The following CNOT10 variants were observed in gnomAD, a reference collection of about 807,000 sequenced individuals.
CNOT10 encodes CCR4-NOT transcription complex subunit 10, also known as CCR4-NOT transcription complex, subunit 10.
CNOT10 carries 30 observed loss-of-function variants against 94.6 expected under a neutral mutation model. The ratio of observed to expected loss-of-function variants is 0.32; its 90% CI spans 0.24 to 0.43. CNOT10 has a LOEUF of 0.43. Ranked by LOEUF, CNOT10 falls within the 20% of genes least tolerant of loss-of-function variation. The pLI is 1.00. For synonymous variants in CNOT10, 289 were observed against 301.6 expected, an observed-to-expected ratio of 0.96 and a Z score of 0.43; for missense variants, 759 against 877.2, an observed-to-expected ratio of 0.87 and a Z score of 1.70.
chr3:32,718,715 T>G (rs1479551938), intron 7 of CNOT10, among the ~76,000 whole-genome samples: 2 of 151,538 alleles, frequency 1.3e-5, no homozygotes, highest in Non-Finnish European at 2.9e-5. Flanking sequence ...CCACTAAGAA[T>G]AAGCACTGAA....
At chr3:32,695,574 G>A (rs1033454380) in intron 1 of CNOT10, 2 of 1,529,174 alleles carry the variant, frequency 1.3e-6, no homozygotes, top group Non-Finnish European at 1.7e-6. Context: ...TGAAAACGTG[G>A]TGCATTTCTT....
intron 8 of CNOT10, 132 bp from the exon 9 acceptor site, chr3:32,725,318 C>T (rs575159164): frequency 3.6e-4 from 253 of 695,624 alleles, no homozygotes; most frequent in Non-Finnish European, 6.0e-4. Context: ...TTTCAAATGC[C>T]TTGTGAACTG....
chr3:32,755,241 C>A (rs1700171788), intron 13 of CNOT10, among the ~76,000 whole-genome samples: 1 of 147,672 alleles, frequency 6.8e-6, no homozygotes, highest in South Asian at 2.1e-4. Context: ...AGCGAAACTC[C>A]ATATCAAAAA....
At chr3:32,721,422 C>G (rs151101496) in intron 8 of CNOT10, among the ~76,000 whole-genome samples, 1 of 73,234 alleles carries the variant, frequency 1.4e-5, no homozygotes, top group Non-Finnish European at 2.8e-5. Flanking sequence ...CCTAATTTTT[C>G]TTTCATCTTT....
chr3:32,702,267 G>A (rs758649449), intron 1 of CNOT10, among the ~76,000 whole-genome samples: 1 of 152,144 alleles, frequency 6.6e-6, no homozygotes, highest in East Asian at 1.9e-4. Context: ...AGCCAACAGT[G>A]ACTCTTGAGA....
chr3:32,771,635 G>T (rs536242948), intron 18 of CNOT10, among the ~76,000 whole-genome samples: 21 of 152,074 alleles, frequency 1.4e-4, no homozygotes, highest in South Asian at 6.2e-4. Flanking sequence ...TATCTATCTA[G>T]ATAGATAGAT....
chr3:32,755,257 G>GA (rs1277170133), intron 13 of CNOT10, among the ~76,000 whole-genome samples: 12 of 149,180 alleles, frequency 8.0e-5, no homozygotes, highest in Admixed American at 7.4e-4. Flanking sequence ...AAAAAAAAAA[G>GA]AAAGAAAAGA....
chr3:32,736,697 C>T (rs1699203074), intron 12 of CNOT10, among the ~76,000 whole-genome samples: 1 of 152,040 alleles, frequency 6.6e-6, no homozygotes, highest in African/African-American at 2.4e-5. Context: ...ATCGCCTGAG[C>T]CCAGGAGTTT....
chr3:32,690,894 TAAA>T (rs879828452), intron 1 of CNOT10, among the ~76,000 whole-genome samples: 1 of 151,954 alleles, frequency 6.6e-6, no homozygotes, highest in African/African-American at 2.4e-5. Flanking sequence ...TTCAAACACC[TAAA>T]AAATTTAAAA....
At chr3:32,743,564 G>A (rs565190275) in intron 13 of CNOT10, among the ~76,000 whole-genome samples, 49 of 152,216 alleles carry the variant, frequency 3.2e-4, no homozygotes, top group Non-Finnish European at 5.4e-4. Flanking sequence ...AACCCAGAAG[G>A]CAGAGGTTGC....
At position 32,713,257 on chromosome 3, in the gene CNOT10, T is replaced by G; in HGVS notation, c.461T>G (p.Leu154Trp). ...EEKFAQAVCFLLVDLYILTYQ... is the reference protein window; with the variant it reads ...EEKFAQAVCFWLVDLYILTYQ... Reference sequence around the variant, plus strand: ...AAATTTGCCCAAGCAGTGTGTTTTTTGCTTGTAGACCTGTATATATTAACC... The same window carrying G: ...AAATTTGCCCAAGCAGTGTGTTTTTGGCTTGTAGACCTGTATATATTAACC... The change falls in exon 5 of 19, where the codon TTG becomes TGG. Residue 154 changes from leucine (L) to tryptophan (W), a missense_variant. Around this residue, in one of 3 missense-constraint regions of CNOT10, gnomAD observed 682 missense variants for 799.4 expected, o/e 0.85. Transcript: ENST00000328834. 1 of 1,579,658 alleles carries G rather than the reference T, an allele frequency of 6.3e-7. No homozygotes were observed.
At chr3:32,738,273 A>G (rs373057530) in intron 13 of CNOT10, among the ~76,000 whole-genome samples, 1 of 152,156 alleles carries the variant, frequency 6.6e-6, no homozygotes, top group Non-Finnish European at 1.5e-5. Context: ...ACAAACCCCC[A>G]TGACACAAGT....
At chr3:32,733,989 C>T (rs1699068877) in intron 11 of CNOT10, among the ~76,000 whole-genome samples, 2 of 152,120 alleles carry the variant, frequency 1.3e-5, no homozygotes, top group Admixed American at 6.5e-5. Flanking sequence ...TAGAAGCTGT[C>T]ACATGTATAA....
At chr3:32,707,188 A>G (rs956561125) in intron 3 of CNOT10, among the ~76,000 whole-genome samples, 3 of 152,180 alleles carry the variant, frequency 2.0e-5, no homozygotes, top group East Asian at 1.9e-4. Flanking sequence ...GAATTGTGCA[A>G]TGGTTGTAAA....
intron 5 of CNOT10, among the ~76,000 whole-genome samples, 200 bp downstream of exon 5, chr3:32,713,569 C>T (rs1025550095): frequency 1.3e-5 from 2 of 152,132 alleles, no homozygotes; most frequent in Non-Finnish European, 2.9e-5. Context: ...TGAGTGTACT[C>T]ACATTTGTAC....
At position 32,685,624 on chromosome 3, in the gene CNOT10, C is replaced by T. The variant is rs553332720; in HGVS notation, c.22+142C>T. 1.1e-5 allele frequency: 10 copies of T among 894,640 alleles called. No homozygotes were observed. The African/African-American group carries it at 1.7e-4, about 15-fold the overall frequency. The allele number at this position is 894,640 out of a possible 1,614,324, so 55.4% of individuals were successfully genotyped here. ...TGCATTTCTTTACCCCATCCTCTGTCTCGGCTGTCGCTAACATGAGTCTTC... is the reference window on the plus strand; with the variant it reads ...TGCATTTCTTTACCCCATCCTCTGTTTCGGCTGTCGCTAACATGAGTCTTC... On this transcript the variant is annotated intron_variant, in intron 1 of 18. Coordinates refer to ENST00000328834, the MANE Select transcript of CNOT10 (RefSeq NM_015442.3).
intron 13 of CNOT10, among the ~76,000 whole-genome samples, 200 bp downstream of exon 13, chr3:32,737,690 G>A (rs1171370340): frequency 6.6e-6 from 1 of 152,034 alleles, no homozygotes; most frequent in Non-Finnish European, 1.5e-5. Context: ...GGGCGTGGTG[G>A]CAGGCGCCTG....
intron 3 of CNOT10, among the ~76,000 whole-genome samples, chr3:32,706,904 A>G (rs1697649108): frequency 6.6e-6 from 1 of 152,248 alleles, no homozygotes; most frequent in Non-Finnish European, 1.5e-5. Context: ...ACCACTTGCT[A>G]ACATTTGAAC....
chr3:32,732,315 A>C (rs972097638), intron 10 of CNOT10, among the ~76,000 whole-genome samples: 5 of 151,702 alleles, frequency 3.3e-5, no homozygotes, highest in Admixed American at 6.6e-5. Flanking sequence ...ACTGGAACTC[A>C]GGAGGTGAAG....
Sources: gnomAD v4.1 joint callset for allele counts (sites outside exome capture counted in the v4.1 genomes callset) on GRCh38, gnomAD v4.1.1 for gene constraint, gnomAD v4.1.1 regional missense constraint, MANE v1.5 for transcripts, NCBI Gene and HGNC (gene_info 2026-07-23, HGNC 2026-07-21) for gene names.